Variants in RORB observed in about 807,000 individuals in gnomAD.
RORB encodes nuclear receptor ROR-beta.
RORB carries 6 observed loss-of-function variants against 59.1 expected under a neutral mutation model. That is an observed-to-expected ratio of 0.10 (90% CI 0.06 to 0.20). RORB has a LOEUF of 0.20. Ranked by LOEUF, RORB falls within the 10% of genes least tolerant of loss-of-function variation. The pLI, the probability that RORB is intolerant of heterozygous loss-of-function variation, is 1.00. For missense variants in RORB, 320 were observed against 560.5 expected (o/e 0.57, Z 4.33); for synonymous variants, 215 against 204.5 (o/e 1.05, Z -0.44).
chr9:74,501,853 A>C (rs911235283), intron 1 of RORB, among the ~76,000 whole-genome samples: 16 of 152,218 alleles, frequency 1.1e-4, no homozygotes, highest in Non-Finnish European at 1.8e-4. Context: ...AGGAAAATGT[A>C]GATGAAGAAA....
chr9:74,532,931 A>T (rs1445604250), intron 1 of RORB, among the ~76,000 whole-genome samples: 2 of 151,106 alleles, frequency 1.3e-5, no homozygotes, highest in Non-Finnish European at 1.5e-5. Flanking sequence ...TCATTTTAAA[A>T]TCAGGAAACT....
intron 1 of RORB, among the ~76,000 whole-genome samples, chr9:74,578,054 C>G (rs1822664294): frequency 6.6e-6 from 1 of 151,950 alleles, no homozygotes; most frequent in South Asian, 2.1e-4. Context: ...AACTGAGGAC[C>G]TGAGAAGGTA....
intron 1 of RORB, among the ~76,000 whole-genome samples, chr9:74,580,191 G>T (rs953711936): frequency 7.9e-5 from 12 of 152,050 alleles, no homozygotes; most frequent in African/African-American, 2.7e-4. Context: ...TATTTAGCAG[G>T]AGTAAAATTT....
chr9:74,590,262 C>T (rs983172409), intron 1 of RORB, among the ~76,000 whole-genome samples: 14 of 152,282 alleles, frequency 9.2e-5, no homozygotes, highest in African/African-American at 3.1e-4. Context: ...ACTCTATTCT[C>T]AGTGCCTAGG....
chr9:74,608,784 C>G (rs1823189060), intron 1 of RORB, among the ~76,000 whole-genome samples: 1 of 152,174 alleles, frequency 6.6e-6, no homozygotes, highest in African/African-American at 2.4e-5. Context: ...AATCCCTATT[C>G]TACGTTGCAC....
At chr9:74,651,815 GA>G (rs927030233) in intron 4 of RORB, among the ~76,000 whole-genome samples, 16 of 152,182 alleles carry the variant, frequency 1.1e-4, no homozygotes, top group African/African-American at 3.9e-4. Flanking sequence ...ACTGTTCTGT[GA>G]AGGAGATCTT....
In RORB at chr9:74,689,651, A is replaced by C. The variant is rs1004698348; in HGVS notation, c.*4033A>C. On this transcript the variant is annotated 3_prime_UTR_variant, in exon 10 of 10. Coordinates refer to ENST00000376896, the MANE Select transcript of RORB (RefSeq NM_006914.4). ...CAAGAGGTGCCAGGGAGGTGTCAGT[A>C]CATTTCCTATCATAGCTGCCTTGTT... 6.6e-6 allele frequency: 1 copy of C among 152,254 alleles called. No homozygotes were observed. Among genetic ancestry groups the C allele is most frequent in the Non-Finnish European group, 1.5e-5 (1 of 68,048 alleles). 9.4% of individuals were successfully genotyped at this position (152,254 alleles called of 1,614,324 possible).
chr9:74,630,826 GA>G (rs200022746), intron 2 of RORB, among the ~76,000 whole-genome samples: 36,211 of 78,608 alleles, frequency 0.46, 4,499 homozygotes, highest in South Asian at 0.59. Context: ...CAAGTTACAG[GA>G]AAAAAAAAGA....
At position 74,639,893 on chromosome 9, in the gene RORB, A is replaced by G. The variant is rs1823767491; in HGVS notation, c.236-2521A>G. ...AATAATTTGTAATAAATTGGTTAGAAAGATGTAATATAAAGATACAGAGGA... is the reference window on the plus strand; with the variant it reads ...AATAATTTGTAATAAATTGGTTAGAGAGATGTAATATAAAGATACAGAGGA... On this transcript the variant is annotated intron_variant, in intron 3 of 9. Coordinates refer to ENST00000376896, the MANE Select transcript of RORB (RefSeq NM_006914.4). Among the ~76,000 whole-genome samples the G allele has an allele frequency of 2.0e-5, 3 of 152,350 alleles. No homozygotes were observed. The South Asian group carries it at 6.2e-4, about 32-fold the overall frequency.
chr9:74,635,326 G>A (rs1025242923), intron 3 of RORB, among the ~76,000 whole-genome samples: 14 of 152,172 alleles, frequency 9.2e-5, no homozygotes, highest in African/African-American at 3.4e-4. Flanking sequence ...CCAAGTCTTA[G>A]AAAGGCTGTG....
intron 4 of RORB, among the ~76,000 whole-genome samples, chr9:74,653,078 T>A (rs1414806038): frequency 6.6e-6 from 1 of 152,212 alleles, no homozygotes; most frequent in African/African-American, 2.4e-5. Flanking sequence ...CCACTAGACT[T>A]GTTCTGTCTA....
At chr9:74,675,812 A>T (rs1396743459) in intron 9 of RORB, among the ~76,000 whole-genome samples, 1 of 152,224 alleles carries the variant, frequency 6.6e-6, no homozygotes, top group Non-Finnish European at 1.5e-5. Context: ...TTACTTCCTC[A>T]GTGAAGACAG....
intron 2 of RORB, 138 bp from the exon 3 acceptor site, chr9:74,634,493 C>T: frequency 1.4e-6 from 1 of 696,826 alleles, no homozygotes; most frequent in Non-Finnish European, 2.3e-6. Context: ...GCAAGCCATA[C>T]AAGAAGAGGT....
At chr9:74,581,902 T>C (rs1450345677) in intron 1 of RORB, among the ~76,000 whole-genome samples, 2 of 152,202 alleles carry the variant, frequency 1.3e-5, no homozygotes, top group Non-Finnish European at 2.9e-5. Context: ...TTTATACATG[T>C]GTAGATGATT....
In RORB at chr9:74,623,160, A is replaced by G. The variant is rs78184301; in HGVS notation, c.8-7122A>G. Reference sequence around the variant, plus strand: ...ACCATTCAATTTTTAAAATAGAAAAACTGTATGGTTTTTAACTGTTTCAAG... The same window carrying G: ...ACCATTCAATTTTTAAAATAGAAAAGCTGTATGGTTTTTAACTGTTTCAAG... On this transcript the variant is annotated intron_variant, in intron 1 of 9. Transcript: ENST00000376896. 6.3e-3 allele frequency among the ~76,000 whole-genome samples: 965 copies of G among 152,248 alleles called. 8 individuals are homozygous for G. Among genetic ancestry groups the G allele is most frequent in the African/African-American group, 0.022 (910 of 41,536 alleles).
chr9:74,683,292 G>T (rs1266892497), intron 9 of RORB, among the ~76,000 whole-genome samples: 1 of 152,176 alleles, frequency 6.6e-6, no homozygotes, highest in Admixed American at 6.5e-5. Flanking sequence ...CCTTCTGTGT[G>T]AGCCAGCTGG....
intron 1 of RORB, among the ~76,000 whole-genome samples, chr9:74,543,874 G>A (rs1157429655): frequency 1.3e-5 from 2 of 152,128 alleles, no homozygotes; most frequent in Non-Finnish European, 2.9e-5. Context: ...TCAGCTAAAT[G>A]CATATAATAT....
chr9:74,559,273 A>G (rs1822358806), intron 1 of RORB, among the ~76,000 whole-genome samples: 1 of 152,300 alleles, frequency 6.6e-6, no homozygotes, highest in African/African-American at 2.4e-5. Context: ...TATATACCAG[A>G]ATGCCAGGCT....
chr9:74,616,628 G>A (rs1279155541), intron 1 of RORB, among the ~76,000 whole-genome samples: 3 of 152,158 alleles, frequency 2.0e-5, no homozygotes, highest in African/African-American at 7.2e-5. Context: ...TATTGTTGCT[G>A]CTGTTGTTCA....
Sources: gnomAD v4.1 joint callset for allele counts (sites outside exome capture counted in the v4.1 genomes callset) on GRCh38, gnomAD v4.1.1 for gene constraint, MANE v1.5 for transcripts, NCBI Gene and HGNC (gene_info 2026-07-23, HGNC 2026-07-21) for gene names.